The following GCSAML variants were observed in gnomAD, a reference collection of about 807,000 sequenced individuals.
The protein encoded by GCSAML is germinal center-associated signaling and motility-like protein.
Under a neutral mutation model 13.0 loss-of-function variants are expected in GCSAML, and 9 were observed. The ratio of observed to expected loss-of-function variants is 0.69; its 90% CI spans 0.42 to 1.21. The LOEUF is 1.21. Ranked by LOEUF, GCSAML falls within the 50% of genes most tolerant of loss-of-function variation. The probability of loss-of-function intolerance (pLI) is 0.00; values close to 1 mark genes in which losing one functional copy is unlikely to be tolerated. For synonymous variants in GCSAML, 37 were observed against 52.9 expected (o/e 0.70, Z 1.31); for missense variants, 143 against 153.4 (o/e 0.93, Z 0.36).
At chr1:247,574,055 T>C in intron 4 of GCSAML, 88 bp from the exon 5 acceptor site, 1 of 1,426,672 alleles carries the variant, frequency 7.0e-7, no homozygotes, top group Non-Finnish European at 9.7e-7. Flanking sequence ...CACCATCAGG[T>C]GTATAAAGAA....
chr1:247,531,307 G>A, intron 2 of GCSAML: 1 of 521,774 alleles, frequency 1.9e-6, no homozygotes, highest in South Asian at 2.8e-5. Context: ...AAAACAAGAT[G>A]ACAGTCAACA....
At chr1:247,562,932 C>T (rs367892727) in intron 2 of GCSAML, among the ~76,000 whole-genome samples, 3 of 151,796 alleles carry the variant, frequency 2.0e-5, no homozygotes, top group South Asian at 2.1e-4. Flanking sequence ...CTCTGCCTCC[C>T]GGGTTCAAGC....
chr1:247,545,859 T>G (rs1313525647), upstream of GCSAML, among the ~76,000 whole-genome samples: 3 of 152,222 alleles, frequency 2.0e-5, no homozygotes, highest in Non-Finnish European at 4.4e-5. Flanking sequence ...TCATTCTCAT[T>G]GTTACAGCAT....
At chr1:247,555,690 A>G (rs1667923532) in intron 1 of GCSAML, among the ~76,000 whole-genome samples, 1 of 152,242 alleles carries the variant, frequency 6.6e-6, no homozygotes, top group South Asian at 2.1e-4. Flanking sequence ...AGAAGTGACA[A>G]TAGAGGAAAA....
In GCSAML at chr1:247,526,951, T is replaced by C; in HGVS notation, c.-251T>C. On this transcript the variant is annotated 5_prime_UTR_variant, in exon 2 of 6. Coordinates refer to the GCSAML transcript ENST00000366489. This position sits in a 1 kb window ranked among gnomAD's most constrained non-coding sequence, Gnocchi z 4.8. The stretch of plus-strand genomic sequence containing the variant: ...TCACTTTCTTTCAGGATTTACTGCC[T>C]CAAGATGGTTATGTTGGAGGATTCC... 2.2e-6 allele frequency: 1 copy of C among 456,688 alleles called. No homozygotes were observed. Among genetic ancestry groups the C allele is most frequent in the Non-Finnish European group, 4.4e-6 (1 of 226,976 alleles). 28.3% of individuals were successfully genotyped at this position (456,688 alleles called of 1,614,324 possible). A position where few individuals can be genotyped will look rare whatever the true frequency, so the allele number is the denominator to read the frequency against.
intron 2 of GCSAML, chr1:247,532,131 G>A (rs1158071180): frequency 6.2e-7 from 1 of 1,614,116 alleles, no homozygotes; most frequent in East Asian, 2.2e-5. Flanking sequence ...GTGGCCTGCA[G>A]ATGGCAGCGT....
In GCSAML at chr1:247,549,788, T is replaced by A. The variant is rs969798831; in HGVS notation, c.29+568T>A. Among the ~76,000 whole-genome samples the A allele has an allele frequency of 2.0e-5, 3 of 152,192 alleles. No individual in the cohort carries two copies. The South Asian group carries it at 6.2e-4, about 31-fold the overall frequency. ...ACTTTAGTCACACCTTTTTTGGTAA[T>A]GTTTAGCCTTACACTCTTCCAATAC... On this transcript the variant is annotated intron_variant, in intron 1 of 4. Coordinates refer to ENST00000366488, the MANE Select transcript of GCSAML (RefSeq NM_145278.5).
chr1:247,528,282 TG>T (rs1270981920), intron 2 of GCSAML: 1 of 152,054 alleles, frequency 6.6e-6, no homozygotes, highest in Non-Finnish European at 1.5e-5. Context: ...TACACACTTA[TG>T]GGGTGCAGTA....
chr1:247,512,438 T>G (rs1057005147), intron 1 of GCSAML, among the ~76,000 whole-genome samples: 7 of 152,080 alleles, frequency 4.6e-5, no homozygotes, highest in Non-Finnish European at 1.0e-4. Context: ...TTAGCTTCCT[T>G]GCATTGGGTT....
At chr1:247,564,992 G>T (rs1413532028) in intron 3 of GCSAML, among the ~76,000 whole-genome samples, 2 of 152,144 alleles carry the variant, frequency 1.3e-5, no homozygotes, top group Non-Finnish European at 2.9e-5. Context: ...AAAAGCAATT[G>T]TAAGAAAAGC....
intron 1 of GCSAML, among the ~76,000 whole-genome samples, chr1:247,521,113 A>ATTTTTTTT (rs68098651): frequency 7.3e-6 from 1 of 136,904 alleles, no homozygotes; most frequent in Non-Finnish European, 1.6e-5. Flanking sequence ...ACATTCTTGC[A>ATTTTTTTT]TTTTTTTTTT....
chr1:247,519,195 C>T (rs972581509), intron 1 of GCSAML: 1 of 152,164 alleles, frequency 6.6e-6, no homozygotes, highest in African/African-American at 2.4e-5. Context: ...TGCCCCATGT[C>T]CTTCAAAGTT....
At chr1:247,561,843 G>A (rs905628190) in intron 2 of GCSAML, among the ~76,000 whole-genome samples, 3 of 152,062 alleles carry the variant, frequency 2.0e-5, no homozygotes, top group Admixed American at 1.3e-4. Context: ...CGAGAAACAA[G>A]CTATGGCTGT....
intron 1 of GCSAML, among the ~76,000 whole-genome samples, chr1:247,522,262 C>T (rs190603055): frequency 6.6e-5 from 8 of 120,450 alleles, no homozygotes; most frequent in Non-Finnish European, 9.2e-5. Flanking sequence ...GGGGGCAGCC[C>T]CCACCCGGCT....
intron 4 of GCSAML, 97 bp downstream of exon 4, chr1:247,566,056 G>T (rs1668342789): frequency 6.7e-6 from 5 of 749,834 alleles, no homozygotes; most frequent in South Asian, 4.3e-5. Flanking sequence ...TTCAAGAGTA[G>T]CATCTGTCTT....
At chr1:247,545,520 T>C (rs1667539777), upstream of GCSAML, among the ~76,000 whole-genome samples, 1 of 152,096 alleles carries the variant, frequency 6.6e-6, no homozygotes, top group Non-Finnish European at 1.5e-5. Context: ...TGCAAAGGGG[T>C]ACTTTGCACC....
chr1:247,550,823 A>T (rs185309071), intron 1 of GCSAML, among the ~76,000 whole-genome samples: 1 of 152,178 alleles, frequency 6.6e-6, no homozygotes. Context: ...AGCAATATTT[A>T]TGGAAAGCCT....
upstream of GCSAML, among the ~76,000 whole-genome samples, chr1:247,546,349 C>T (rs1234908291): frequency 6.6e-6 from 1 of 151,776 alleles, no homozygotes. Flanking sequence ...AGAAAATGGT[C>T]TTTATTTTTT....
intron 1 of GCSAML, among the ~76,000 whole-genome samples, chr1:247,516,768 G>C (rs1011973254): frequency 6.6e-6 from 1 of 152,154 alleles, no homozygotes; most frequent in African/African-American, 2.4e-5. Flanking sequence ...TTCAGCAGCT[G>C]AGTCCTTGTC....
Sources: allele counts gnomAD v4.1 joint callset (sites outside exome capture counted in the v4.1 genomes callset), GRCh38; gene constraint gnomAD v4.1.1; non-coding constraint Gnocchi (gnomAD v3.1); transcripts MANE v1.5; gene names NCBI Gene and HGNC (gene_info 2026-07-23, HGNC 2026-07-21).